The following ZNF385D variants were observed in gnomAD, a reference collection of about 807,000 sequenced individuals.
ZNF385D encodes the protein zinc finger protein 385D, also known as zinc finger protein 659.
In ZNF385D, 15 loss-of-function variants were observed where a neutral mutation model predicts 35.8. The ratio of observed to expected loss-of-function variants is 0.42; its 90% CI spans 0.28 to 0.64. The LOEUF (loss-of-function observed/expected upper bound fraction) is 0.64. ZNF385D is among the 30% of genes least tolerant of loss of function. The pLI is 0.23. For missense variants in ZNF385D, 474 were observed against 494.6 expected (o/e 0.96, Z 0.39); for synonymous variants, 212 against 186.8 (o/e 1.13, Z -1.10).
intron 4 of ZNF385D, among the ~76,000 whole-genome samples, chr3:21,492,454 C>T (rs1705500861): frequency 1.3e-5 from 2 of 151,148 alleles, no homozygotes; most frequent in South Asian, 2.1e-4. Flanking sequence ...AATATACTCC[C>T]ATTTGATTTC....
intron 3 of ZNF385D, among the ~76,000 whole-genome samples, chr3:21,791,118 A>G (rs1164286218): frequency 6.6e-6 from 1 of 152,228 alleles, no homozygotes; most frequent in East Asian, 1.9e-4. Flanking sequence ...TGAGAAGTAA[A>G]TGCCTTTATA....
At chr3:22,328,938 G>T (rs1239129049) in intron 2 of ZNF385D, among the ~76,000 whole-genome samples, 95 of 151,944 alleles carry the variant, frequency 6.3e-4, no homozygotes, top group Non-Finnish European at 4.4e-5. Context: ...TTAGCTGGGC[G>T]TGGTAGCGGG....
chr3:21,444,387 G>GT (rs137978112), intron 4 of ZNF385D, among the ~76,000 whole-genome samples: 36,045 of 133,356 alleles, frequency 0.27, 5,500 homozygotes, highest in Middle Eastern at 0.39. Flanking sequence ...GCCTTTTTTT[G>GT]TTTTTTTTTT....
At chr3:21,697,996 T>C (rs1163904449) in intron 1 of ZNF385D, among the ~76,000 whole-genome samples, 1 of 152,078 alleles carries the variant, frequency 6.6e-6, no homozygotes, top group Non-Finnish European at 1.5e-5. Flanking sequence ...ACACTGTTGG[T>C]GGGAATGTAA....
At chr3:22,114,193 G>T (rs187994685) in intron 3 of ZNF385D, among the ~76,000 whole-genome samples, 2,060 of 151,992 alleles carry the variant, frequency 0.014, 43 homozygotes, top group African/African-American at 0.047. Flanking sequence ...AATTATTATT[G>T]TTTGTATGCT....
intron 2 of ZNF385D, among the ~76,000 whole-genome samples, chr3:22,362,631 T>A (rs1696466357): frequency 6.6e-6 from 1 of 152,140 alleles, no homozygotes; most frequent in South Asian, 2.1e-4. Context: ...TAAGGAAATT[T>A]ATCTTTATCA....
rs1254168352 is a variant in ZNF385D at position 21,987,768 on chromosome 3, CA to C, written c.325+181048del. Reference sequence around the variant, plus strand: ...GGATAATATCCTGCAGAGTGTTTTCCAAGTTGGTTCCATTCTCCCCATCACT... The same window carrying C: ...GGATAATATCCTGCAGAGTGTTTTCCAGTTGGTTCCATTCTCCCCATCACT... On this transcript the variant is annotated intron_variant, in intron 3 of 5. Transcript: ENST00000494108. Among the ~76,000 whole-genome samples the C allele has an allele frequency of 2.2e-5, 3 of 136,774 alleles. 1 individual carries two copies. Among genetic ancestry groups the C allele is most frequent in the Non-Finnish European group, 4.6e-5 (3 of 64,678 alleles). 89.7% of individuals were successfully genotyped at this position (136,774 alleles called of 152,430 possible).
chr3:21,900,775 G>C (rs1699366925), intron 3 of ZNF385D, among the ~76,000 whole-genome samples: 1 of 152,182 alleles, frequency 6.6e-6, no homozygotes, highest in South Asian at 2.1e-4. Context: ...GATTTGTTCA[G>C]TAGGTGGTAC....
intron 3 of ZNF385D, among the ~76,000 whole-genome samples, chr3:22,111,454 T>C (rs1235056716): frequency 3.3e-5 from 5 of 152,078 alleles, no homozygotes; most frequent in Admixed American, 3.3e-4. Context: ...GGCAAACTAC[T>C]GGGGTACGCA....
chr3:21,793,047 G>A (rs1456771528), intron 3 of ZNF385D, among the ~76,000 whole-genome samples: 1 of 152,104 alleles, frequency 6.6e-6, no homozygotes, highest in Admixed American at 6.5e-5. Flanking sequence ...TAAGATTTCA[G>A]AACACATAGC....
intron 3 of ZNF385D, among the ~76,000 whole-genome samples, chr3:21,997,862 CGCGCGCGCGCGT>C (rs55940053): frequency 0.35 from 38,476 of 111,336 alleles, 5,193 homozygotes; most frequent in African/African-American, 0.39. Flanking sequence ...ATTTGGCGCG[CGCGCGCGCGCGT>C]GTGTGTGTGT....
chr3:21,500,002 T>G (rs1706243447), intron 4 of ZNF385D, among the ~76,000 whole-genome samples: 1 of 152,190 alleles, frequency 6.6e-6, no homozygotes, highest in Non-Finnish European at 1.5e-5. Context: ...CTTTTTAAAA[T>G]GTTCTTAACT....
intron 2 of ZNF385D, among the ~76,000 whole-genome samples, chr3:22,215,598 T>A (rs919604956): frequency 1.3e-5 from 2 of 152,068 alleles, no homozygotes; most frequent in Admixed American, 6.6e-5. Flanking sequence ...TGTCTCCTGA[T>A]AAGATGTTAT....
chr3:22,291,902 TTTC>T (rs1170325002), intron 2 of ZNF385D, among the ~76,000 whole-genome samples: 4 of 152,120 alleles, frequency 2.6e-5, no homozygotes, highest in South Asian at 4.2e-4. Flanking sequence ...GGTGAGAAAT[TTTC>T]TTTTCTTCTA....
chr3:22,255,021 A>G (rs1700242878), intron 2 of ZNF385D, among the ~76,000 whole-genome samples: 1 of 151,890 alleles, frequency 6.6e-6, no homozygotes, highest in South Asian at 2.1e-4. Flanking sequence ...ATTCAGAACA[A>G]TGTGCAAACA....
At chr3:21,451,199 T>C (rs17273474) in intron 4 of ZNF385D, among the ~76,000 whole-genome samples, 41,701 of 151,886 alleles carry the variant, frequency 0.27, 6,420 homozygotes, top group East Asian at 0.43. Context: ...TTCTTCTCTA[T>C]CTTTGAAGGT....
At chr3:21,595,466 T>C (rs924845776) in intron 2 of ZNF385D, among the ~76,000 whole-genome samples, 3 of 148,834 alleles carry the variant, frequency 2.0e-5, no homozygotes, top group Non-Finnish European at 3.0e-5. Context: ...GTATATGTAA[T>C]ATATAATTAT....
chr3:21,790,858 T>C (rs572430854), intron 3 of ZNF385D, among the ~76,000 whole-genome samples: 1 of 152,220 alleles, frequency 6.6e-6, no homozygotes, highest in African/African-American at 2.4e-5. Flanking sequence ...ATTTATAGAA[T>C]GTGAAATTTG....
intron 3 of ZNF385D, among the ~76,000 whole-genome samples, chr3:21,908,753 C>G (rs1490173878): frequency 6.6e-6 from 1 of 151,990 alleles, no homozygotes; most frequent in African/African-American, 2.4e-5. Context: ...CCTTTGTATA[C>G]TGGTTCTTAA....
Sources: allele counts gnomAD v4.1 joint callset (sites outside exome capture counted in the v4.1 genomes callset), GRCh38; gene constraint gnomAD v4.1.1; transcripts MANE v1.5; gene names NCBI Gene and HGNC (gene_info 2026-07-23, HGNC 2026-07-21).